MBD5: variants seen among roughly 807,000 people sequenced by gnomAD.
The protein encoded by MBD5 is methyl-CpG binding domain protein 5.
MBD5 carries 13 observed loss-of-function variants against 117.3 expected under a neutral mutation model. The ratio of observed to expected loss-of-function variants is 0.11; its 90% CI spans 0.07 to 0.18. The LOEUF (loss-of-function observed/expected upper bound fraction) is 0.18. MBD5 is among the 10% of genes least tolerant of loss of function. The pLI, the probability that MBD5 is intolerant of heterozygous loss-of-function variation, is 1.00. For synonymous variants in MBD5, 727 were observed against 766.4 expected (o/e 0.95, Z 0.85); for missense variants, 1,879 against 2,093.8 (o/e 0.90, Z 2.00).
chr2:148,039,590 A>G (rs1694299113), intron 1 of MBD5, among the ~76,000 whole-genome samples: 1 of 152,308 alleles, frequency 6.6e-6, no homozygotes, highest in Middle Eastern at 3.4e-3. Flanking sequence ...AATTTTAAGT[A>G]TAAACTAATG....
Position 148,124,766 on chromosome 2 carries a change from T to A in MBD5, c.-924-53934T>A, listed in dbSNP as rs576118108. On this transcript the variant is annotated intron_variant, in intron 1 of 13. Transcript: ENST00000642680. The stretch of plus-strand genomic sequence containing the variant: ...ATGCAAAATTTTTTGTATTTTCATA[T>A]TTCTGAAATCTGGAGTATCCTACAA... 1.1e-3 allele frequency among the ~76,000 whole-genome samples: 175 copies of A among 152,226 alleles called. 5 individuals carry two copies. The South Asian group carries it at 0.035, about 31-fold the overall frequency.
intron 1 of MBD5, among the ~76,000 whole-genome samples, chr2:148,152,226 C>T (rs1697695948): frequency 6.6e-6 from 1 of 152,214 alleles, no homozygotes; most frequent in Non-Finnish European, 1.5e-5. Flanking sequence ...GCAGGTTGTT[C>T]AGCTTCCATG....
chr2:148,304,654 A>G (rs6430309), intron 3 of MBD5, among the ~76,000 whole-genome samples: 30,850 of 152,170 alleles, frequency 0.2, 3,264 homozygotes, highest in African/African-American at 0.21. Context: ...TAACTCCAAT[A>G]AGGGCAGTGG....
intron 4 of MBD5, among the ~76,000 whole-genome samples, chr2:148,404,286 TA>T (rs1232348498): frequency 1.3e-5 from 2 of 152,210 alleles, no homozygotes; most frequent in Non-Finnish European, 2.9e-5. Context: ...AGTATCAGTC[TA>T]AGTCCTCTTA....
chr2:148,291,276 G>A (rs1385040229), intron 3 of MBD5, among the ~76,000 whole-genome samples: 1 of 152,144 alleles, frequency 6.6e-6, no homozygotes, highest in African/African-American at 2.4e-5. Context: ...CATTGAATCA[G>A]TAGATCAATT....
At chr2:148,101,085 A>G (rs926215668) in intron 1 of MBD5, among the ~76,000 whole-genome samples, 19 of 152,250 alleles carry the variant, frequency 1.2e-4, no homozygotes, top group African/African-American at 3.6e-4. Context: ...CTTTGACCTT[A>G]CTTTTAAGGT....
intron 1 of MBD5, among the ~76,000 whole-genome samples, chr2:148,165,869 T>C (rs564428759): frequency 8.5e-5 from 13 of 152,264 alleles, no homozygotes; most frequent in African/African-American, 2.2e-4. Context: ...AAATCACTCA[T>C]ATGGAGCAAA....
At chr2:148,511,747 T>G (rs1433515902) in intron 13 of MBD5, among the ~76,000 whole-genome samples, 1 of 152,226 alleles carries the variant, frequency 6.6e-6, no homozygotes, top group Non-Finnish European at 1.5e-5. Flanking sequence ...ACAGAATAGT[T>G]GTTTTAAAAA....
At chr2:148,282,243 A>G (rs1351158025) in intron 3 of MBD5, among the ~76,000 whole-genome samples, 1 of 152,194 alleles carries the variant, frequency 6.6e-6, no homozygotes, top group Non-Finnish European at 1.5e-5. Context: ...GGAAATTAGG[A>G]TATGAATCTT....
chr2:148,336,412 G>A (rs1255106224), intron 3 of MBD5, among the ~76,000 whole-genome samples: 4 of 151,972 alleles, frequency 2.6e-5, no homozygotes, highest in African/African-American at 7.3e-5. Context: ...TTTGAGACAG[G>A]ATATGGCTCT....
rs1036129692 is a variant in MBD5 at position 148,416,604 on chromosome 2, G to T, written c.-556-41599G>T. On this transcript the variant is annotated intron_variant, in intron 4 of 13. Coordinates refer to ENST00000642680, the MANE Select transcript of MBD5 (RefSeq NM_001378120.1). ...TTTGTATTAGGACATTTGCTTTTCG[G>T]TTTTTTATATATTTAATTTTTTTTT... 6.6e-5 allele frequency among the ~76,000 whole-genome samples: 10 copies of T among 152,056 alleles called. 1 individual carries two copies. In the South Asian group the frequency reaches 8.3e-4, roughly 13 times the overall value.
At position 148,447,237 on chromosome 2, in the gene MBD5, G is replaced by T. The variant is rs570820401; in HGVS notation, c.-556-10966G>T. ...AAAGAAAGAAAGAAAGAAAGAAAGGGAAAGGAGGGAGGGAGGAAGGAAGGA... is the reference window on the plus strand; with the variant it reads ...AAAGAAAGAAAGAAAGAAAGAAAGGTAAAGGAGGGAGGGAGGAAGGAAGGA... On this transcript the variant is annotated intron_variant, in intron 4 of 13. Coordinates refer to ENST00000642680, the MANE Select transcript of MBD5 (RefSeq NM_001378120.1). Among the ~76,000 whole-genome samples, 6 of 135,936 alleles carry T rather than the reference G, an allele frequency of 4.4e-5. No homozygotes were observed. In the South Asian group the frequency reaches 1.1e-3, roughly 25 times the overall value. 89.2% of individuals were successfully genotyped at this position (135,936 alleles called of 152,430 possible).
chr2:148,262,506 C>T, intron 3 of MBD5, among the ~76,000 whole-genome samples: 1 of 152,084 alleles, frequency 6.6e-6, no homozygotes, highest in East Asian at 1.9e-4. Context: ...TCATGTAACC[C>T]TCACAGCCAC....
intron 10 of MBD5, among the ~76,000 whole-genome samples, chr2:148,489,010 A>T (rs1681428627): frequency 6.6e-6 from 1 of 152,226 alleles, no homozygotes; most frequent in Non-Finnish European, 1.5e-5. Flanking sequence ...TAATTTGATT[A>T]CCTGTGACTT....
At chr2:148,106,745 G>A (rs1696382310) in intron 1 of MBD5, among the ~76,000 whole-genome samples, 3 of 151,898 alleles carry the variant, frequency 2.0e-5, no homozygotes, top group African/African-American at 7.2e-5. Context: ...GGTATCATGT[G>A]TACTTTTCAA....
chr2:148,172,555 T>C (rs1193506448), intron 1 of MBD5, among the ~76,000 whole-genome samples: 2 of 152,060 alleles, frequency 1.3e-5, no homozygotes, highest in African/African-American at 2.4e-5. Context: ...GTTGACATGA[T>C]TGATGGCAGC....
intron 3 of MBD5, among the ~76,000 whole-genome samples, chr2:148,328,139 T>G (rs1354214263): frequency 2.0e-5 from 3 of 152,190 alleles, no homozygotes; most frequent in Admixed American, 6.5e-5. Flanking sequence ...GGGTGCCTCC[T>G]AGTTAGGCTG....
At chr2:148,131,093 G>C (rs1303331186) in intron 1 of MBD5, among the ~76,000 whole-genome samples, 1 of 152,042 alleles carries the variant, frequency 6.6e-6, no homozygotes, top group African/African-American at 2.4e-5. Flanking sequence ...GGAGTTATAG[G>C]TCAAGTTATA....
chr2:148,299,198 G>C (rs1701725053), intron 3 of MBD5, among the ~76,000 whole-genome samples: 2 of 151,880 alleles, frequency 1.3e-5, no homozygotes, highest in Admixed American at 6.6e-5. Flanking sequence ...ATATGTTCTG[G>C]CTCTCTGCAA....
Sources: gnomAD v4.1 joint callset for allele counts (sites outside exome capture counted in the v4.1 genomes callset) on GRCh38, gnomAD v4.1.1 for gene constraint, MANE v1.5 for transcripts, NCBI Gene and HGNC (gene_info 2026-07-23, HGNC 2026-07-21) for gene names.